CCDC73: variants seen among roughly 807,000 people sequenced by gnomAD.
CCDC73 encodes coiled-coil domain-containing protein 73.
CCDC73 carries 95 observed loss-of-function variants against 116.5 expected under a neutral mutation model. The ratio of observed to expected loss-of-function variants is 0.82; its 90% CI spans 0.69 to 0.97. CCDC73 has a LOEUF of 0.97. Among genes scored for constraint, CCDC73 ranks in the 50% least tolerant of loss-of-function variants. CCDC73 has a pLI of 0.00. For missense variants in CCDC73, 1,066 were observed against 1,206.8 expected (o/e 0.88, Z 1.73); for synonymous variants, 398 against 401.3 (o/e 0.99, Z 0.10).
Position 32,614,103 on chromosome 11 carries a change from G to A in CCDC73, c.2215C>T (p.Pro739Ser). The change falls in exon 16 of 18, where the codon CCT becomes TCT. Residue 739 changes from proline (P) to serine (S), a missense_variant. Coordinates refer to ENST00000335185, the MANE Select transcript of CCDC73 (RefSeq NM_001008391.4). The part of the protein sequence containing the change: ...NVHSMSMLVK[P>S]NSSPGGKTMC... ...GTTTTTCCCCCAGGGCTTGAGTTAG[G>A]TTTCACCAACATAGACATACTATGG... The A allele has an allele frequency of 6.2e-7, 1 of 1,613,462 alleles. No individual in the cohort carries two copies. Among genetic ancestry groups the A allele is most frequent in the South Asian group, 1.1e-5 (1 of 91,068 alleles).
intron 7 of CCDC73, 146 bp downstream of exon 7, chr11:32,683,390 T>A: frequency 1.5e-6 from 1 of 651,364 alleles, no homozygotes; most frequent in South Asian, 1.6e-5. Context: ...AAATTGCAAA[T>A]ATCCCCTTTC....
At chr11:32,652,907 TA>T (rs1649498192) in intron 12 of CCDC73, among the ~76,000 whole-genome samples, 1 of 152,208 alleles carries the variant, frequency 6.6e-6, no homozygotes. Flanking sequence ...AGATACTTGA[TA>T]AAATTTAACA....
chr11:32,714,836 A>C (rs1394478094), intron 3 of CCDC73, among the ~76,000 whole-genome samples: 3 of 152,186 alleles, frequency 2.0e-5, no homozygotes, highest in Non-Finnish European at 4.4e-5. Context: ...AAGAAAAATA[A>C]AAAAATAACA....
chr11:32,636,670 T>G (rs563399054), intron 13 of CCDC73, among the ~76,000 whole-genome samples: 7 of 152,254 alleles, frequency 4.6e-5, no homozygotes, highest in African/African-American at 1.7e-4. Flanking sequence ...CTATAATTAC[T>G]ATTCCTAATA....
the CCDC73 span, among the ~76,000 whole-genome samples, chr11:32,808,643 A>AT: frequency 8.3e-3 from 366 of 44,308 alleles, 2 homozygotes; most frequent in Middle Eastern, 0.026. Context: ...CGTCTCAAAG[A>AT]AAAAAAAAAA....
At chr11:32,633,792 C>A (rs2133240958) in intron 14 of CCDC73, among the ~76,000 whole-genome samples, 1 of 152,186 alleles carries the variant, frequency 6.6e-6, no homozygotes, top group Middle Eastern at 3.4e-3. Context: ...TCTAGAATCC[C>A]AGAAAGAAAG....
upstream of CCDC73, among the ~76,000 whole-genome samples, chr11:32,796,169 G>A (rs1850726369): frequency 6.6e-6 from 1 of 152,080 alleles, no homozygotes. Flanking sequence ...TTTATTCTCT[G>A]TAGCACAATC....
the CCDC73 span, among the ~76,000 whole-genome samples, chr11:32,820,499 A>C: frequency 6.6e-6 from 1 of 152,186 alleles, no homozygotes; most frequent in African/African-American, 2.4e-5. Flanking sequence ...AGAATATAGA[A>C]ATAGCTGAAG....
chr11:32,779,263 CAA>C lies in CCDC73; in HGVS notation c.-16+15348_-16+15349del, dbSNP rs34184527. The stretch of plus-strand genomic sequence containing the variant: ...TTTCCAATTATGCCTTCATGTGGGG[CAA>C]AAAAAAAAAAAAAAAAAGGAGGAAG... On this transcript the variant is annotated intron_variant, in intron 1 of 17. Transcript: ENST00000335185. Among the ~76,000 whole-genome samples the C allele has an allele frequency of 2.6e-3, 283 of 110,012 alleles. 5 individuals are homozygous for C. The South Asian group carries it at 0.059, about 23-fold the overall frequency. 72.2% of individuals were successfully genotyped at this position (110,012 alleles called of 152,430 possible). A position where few individuals can be genotyped will look rare whatever the true frequency, so the allele number is the denominator to read the frequency against.
In CCDC73 at chr11:32,655,089, C is replaced by CATATATCAAGATAATACTACTGGT. The variant is rs58867287; in HGVS notation, c.646-118_646-117insACCAGTAGTATTATCTTGATATAT. The CATATATCAAGATAATACTACTGGT allele has an allele frequency of 1.8e-3, 1,377 of 763,310 alleles. 77 individuals are homozygous for CATATATCAAGATAATACTACTGGT. Among genetic ancestry groups the CATATATCAAGATAATACTACTGGT allele is most frequent in the South Asian group, 3.2e-3 (145 of 45,214 alleles). The allele number at this position is 763,310 out of a possible 1,614,324, so 47.3% of individuals were successfully genotyped here. A position where few individuals can be genotyped will look rare whatever the true frequency, so the allele number is the denominator to read the frequency against. On this transcript the variant is annotated intron_variant, in intron 9 of 17. Coordinates refer to ENST00000335185, the MANE Select transcript of CCDC73 (RefSeq NM_001008391.4). ...CCTATAATTATAATTTGTTATAATT[C>CATATATCAAGATAATACTACTGGT]CCTTGCAAGTTCCCTTGCAAGATTA...
At chr11:32,812,148 A>G in the CCDC73 span, among the ~76,000 whole-genome samples, 4 of 152,148 alleles carry the variant, frequency 2.6e-5, no homozygotes, top group Non-Finnish European at 5.9e-5. Flanking sequence ...TTTAGTTCCC[A>G]TTGGCCTATG....
chr11:32,691,786 C>A (rs1035990370), intron 6 of CCDC73, among the ~76,000 whole-genome samples: 1 of 152,086 alleles, frequency 6.6e-6, no homozygotes, highest in Non-Finnish European at 1.5e-5. Flanking sequence ...CAGTGGCTCA[C>A]GCCTGTAATC....
At chr11:32,654,306 T>G (rs539331138) in intron 10 of CCDC73, among the ~76,000 whole-genome samples, 1 of 152,334 alleles carries the variant, frequency 6.6e-6, no homozygotes, top group South Asian at 2.1e-4. Context: ...CCCAAGTAGC[T>G]GGGATTACAG....
At chr11:32,801,469 C>T in the CCDC73 span, among the ~76,000 whole-genome samples, 6 of 152,000 alleles carry the variant, frequency 3.9e-5, no homozygotes, top group African/African-American at 7.2e-5. Context: ...AGTGAAACCC[C>T]GTCTCTACTA....
chr11:32,678,502 T>G (rs1258152138), intron 7 of CCDC73, among the ~76,000 whole-genome samples: 2 of 152,212 alleles, frequency 1.3e-5, no homozygotes, highest in African/African-American at 2.4e-5. Flanking sequence ...AAGCCCATCA[T>G]ATAAAAATCA....
intron 14 of CCDC73, among the ~76,000 whole-genome samples, chr11:32,628,139 G>A (rs1205864422): frequency 6.6e-6 from 1 of 152,108 alleles, no homozygotes; most frequent in Non-Finnish European, 1.5e-5. Context: ...TACAGTGTAT[G>A]AAACAACAGT....
chr11:32,830,364 T>C, the CCDC73 span: 3 of 843,392 alleles, frequency 3.6e-6, no homozygotes, highest in Non-Finnish European at 3.3e-6. Context: ...TGGGCGCGCG[T>C]CGGGTTCCGG....
At chr11:32,771,264 C>T (rs893597150) in intron 1 of CCDC73, among the ~76,000 whole-genome samples, 3 of 152,036 alleles carry the variant, frequency 2.0e-5, no homozygotes, top group Non-Finnish European at 2.9e-5. Context: ...AAACAACCAC[C>T]CATTTGCAAA....
At position 32,766,898 on chromosome 11, in the gene CCDC73, A is replaced by G. The variant is rs191765281; in HGVS notation, c.-15-6640T>C. ...ATCGTGAAAATGGCCATATTGCCCA[A>G]GGTAATTTATAGATTCAATGCCATC... On this transcript the variant is annotated intron_variant, in intron 1 of 17. Coordinates refer to ENST00000335185, the MANE Select transcript of CCDC73 (RefSeq NM_001008391.4). Among the ~76,000 whole-genome samples the G allele has an allele frequency of 7.2e-3, 1,099 of 152,336 alleles. 17 individuals are homozygous for G. Among genetic ancestry groups the G allele is most frequent in the African/African-American group, 0.025 (1,060 of 41,584 alleles).
Sources: allele counts gnomAD v4.1 joint callset (sites outside exome capture counted in the v4.1 genomes callset), GRCh38; gene constraint gnomAD v4.1.1; transcripts MANE v1.5; gene names NCBI Gene and HGNC (gene_info 2026-07-23, HGNC 2026-07-21).